STK32B: variants seen among roughly 807,000 people sequenced by gnomAD.
STK32B encodes the protein serine/threonine kinase 32B, also known as serine/threonine-protein kinase 32B.
A neutral mutation model predicts 52.6 loss-of-function variants in STK32B; 43 were observed. The ratio of observed to expected loss-of-function variants is 0.82; its 90% CI spans 0.64 to 1.05. The LOEUF is 1.05. STK32B is among the 50% of genes least tolerant of loss of function. STK32B has a pLI of 0.00. For missense variants in STK32B, 621 were observed against 534.6 expected (o/e 1.16, Z -1.59); for synonymous variants, 238 against 204.3 (o/e 1.17, Z -1.41).
chr4:5,330,913 A>G (rs1420475143), intron 3 of STK32B, among the ~76,000 whole-genome samples: 1 of 152,150 alleles, frequency 6.6e-6, no homozygotes, highest in Non-Finnish European at 1.5e-5. Context: ...CTAAAAACGG[A>G]TGAAGAAACA....
intron 4 of STK32B, among the ~76,000 whole-genome samples, chr4:5,384,455 T>A (rs764178383): frequency 1.3e-5 from 2 of 151,362 alleles, no homozygotes; most frequent in Non-Finnish European, 2.9e-5. Flanking sequence ...AAATGGAGAA[T>A]GAATGAACAA....
At chr4:5,185,412 T>C (rs1409344706) in intron 3 of STK32B, among the ~76,000 whole-genome samples, 1 of 152,194 alleles carries the variant, frequency 6.6e-6, no homozygotes, top group African/African-American at 2.4e-5. Context: ...TACCTGCCAG[T>C]CTAAGCCAAG....
chr4:5,275,834 G>A (rs535600024), intron 3 of STK32B, among the ~76,000 whole-genome samples: 2 of 152,020 alleles, frequency 1.3e-5, no homozygotes, highest in African/African-American at 2.4e-5. Flanking sequence ...AGAAGGAGAA[G>A]GGGGATGCCA....
chr4:5,095,460 TA>T (rs1713333518), intron 1 of STK32B, among the ~76,000 whole-genome samples: 1 of 151,994 alleles, frequency 6.6e-6, no homozygotes. Flanking sequence ...ATTAAAACTA[TA>T]AAAACTAGCC....
At chr4:5,338,625 C>T (rs1003120013) in intron 4 of STK32B, among the ~76,000 whole-genome samples, 3 of 152,138 alleles carry the variant, frequency 2.0e-5, no homozygotes, top group Admixed American at 2.0e-4. Flanking sequence ...AGAGCTGAGC[C>T]AGGGATGAAC....
chr4:5,225,179 G>T (rs1723781709), intron 3 of STK32B, among the ~76,000 whole-genome samples: 1 of 152,140 alleles, frequency 6.6e-6, no homozygotes, highest in Non-Finnish European at 1.5e-5. Flanking sequence ...AGCACTTTGG[G>T]AGGCCAAGAC....
intron 1 of STK32B, among the ~76,000 whole-genome samples, chr4:5,074,111 T>C (rs952490568): frequency 2.0e-5 from 3 of 151,966 alleles, no homozygotes; most frequent in Non-Finnish European, 4.4e-5. Context: ...CTTTTAGAAC[T>C]TCAGTAACAT....
At chr4:5,222,288 G>A (rs1723586914) in intron 3 of STK32B, among the ~76,000 whole-genome samples, 1 of 152,152 alleles carries the variant, frequency 6.6e-6, no homozygotes, top group Non-Finnish European at 1.5e-5. Flanking sequence ...AGTGGAAGTA[G>A]CTTTCAAACT....
intron 4 of STK32B, among the ~76,000 whole-genome samples, chr4:5,340,453 G>A (rs1213257389): frequency 6.6e-6 from 1 of 152,224 alleles, no homozygotes; most frequent in Non-Finnish European, 1.5e-5. Context: ...GGCCCCAGGT[G>A]GGTGGAGCCT....
intron 1 of STK32B, among the ~76,000 whole-genome samples, chr4:5,077,069 C>T (rs913438166): frequency 6.6e-6 from 1 of 152,156 alleles, no homozygotes; most frequent in Non-Finnish European, 1.5e-5. Flanking sequence ...ATCCGAGATA[C>T]ATCCCTGAAC....
chr4:5,032,476 CAAAAAAAAAA>C, the STK32B span, among the ~76,000 whole-genome samples: 1 of 49,696 alleles, frequency 2.0e-5, no homozygotes, highest in Admixed American at 2.9e-4. Flanking sequence ...GACTCCATCT[CAAAAAAAAAA>C]AAAAAAAAAA....
Position 5,394,932 on chromosome 4 carries a change from G to C in STK32B, c.435-3275G>C, listed in dbSNP as rs1736790415. Among the ~76,000 whole-genome samples, 1 of 152,152 alleles carries C rather than the reference G, an allele frequency of 6.6e-6. No individual in the cohort carries two copies. Among genetic ancestry groups the C allele is most frequent in the African/African-American group, 2.4e-5 (1 of 41,436 alleles). On this transcript the variant is annotated intron_variant, in intron 4 of 11. Transcript: ENST00000282908. This position sits in a 1 kb window ranked among gnomAD's most constrained non-coding sequence, Gnocchi z 4.2. ...TTCCGTGGCCCAGGAGTCCAGGTGG[G>C]CTTAACTGGATCATCTGCATAGGAT...
chr4:5,291,264 C>T (rs542987439), intron 3 of STK32B, among the ~76,000 whole-genome samples: 5 of 152,046 alleles, frequency 3.3e-5, no homozygotes, highest in African/African-American at 1.2e-4. Context: ...TCAAGAGTAT[C>T]GCATTCCTAA....
intron 4 of STK32B, among the ~76,000 whole-genome samples, chr4:5,339,728 T>G (rs559299771): frequency 3.3e-5 from 5 of 152,332 alleles, no homozygotes; most frequent in African/African-American, 9.6e-5. Flanking sequence ...GGTGGGCTAC[T>G]AAACTCTGCT....
intron 3 of STK32B, among the ~76,000 whole-genome samples, chr4:5,171,176 T>A (rs1216998521): frequency 2.6e-5 from 4 of 152,150 alleles, no homozygotes; most frequent in South Asian, 4.1e-4. Flanking sequence ...CTTGTAAATT[T>A]GTTTGAGTTC....
intron 3 of STK32B, chr4:5,204,079 T>A (rs1034465372): frequency 6.6e-6 from 1 of 152,268 alleles, no homozygotes; most frequent in Admixed American, 6.5e-5. Flanking sequence ...TCCCTGCTGG[T>A]CTTCAGGAAG....
chr4:5,136,748 A>G (rs1716103036), intron 1 of STK32B, among the ~76,000 whole-genome samples: 1 of 152,136 alleles, frequency 6.6e-6, no homozygotes, highest in Non-Finnish European at 1.5e-5. Flanking sequence ...AAGCCATTTT[A>G]ATCTGTTCAT....
intron 4 of STK32B, among the ~76,000 whole-genome samples, chr4:5,334,285 T>A (rs796434643): frequency 7.2e-6 from 1 of 139,210 alleles, no homozygotes; most frequent in Non-Finnish European, 1.6e-5. Context: ...GTTTGTCTGT[T>A]ATTGGTGTAT....
chr4:5,177,897 G>C (rs993687489), intron 3 of STK32B, among the ~76,000 whole-genome samples: 2 of 152,212 alleles, frequency 1.3e-5, no homozygotes, highest in African/African-American at 2.4e-5. Flanking sequence ...GGCTTTGCAG[G>C]GTACAGCCTC....
Sources: allele counts gnomAD v4.1 joint callset (sites outside exome capture counted in the v4.1 genomes callset), GRCh38; gene constraint gnomAD v4.1.1; non-coding constraint Gnocchi (gnomAD v3.1); transcripts MANE v1.5; gene names NCBI Gene and HGNC (gene_info 2026-07-23, HGNC 2026-07-21).